ADAMTSL1: variants seen among roughly 807,000 people sequenced by gnomAD.
The protein encoded by ADAMTSL1 is ADAMTS-like protein 1.
A neutral mutation model predicts 201.8 loss-of-function variants in ADAMTSL1; 126 were observed. That is an observed-to-expected ratio of 0.62 (90% CI 0.54 to 0.72). The LOEUF (loss-of-function observed/expected upper bound fraction) is 0.72. Ranked by LOEUF, ADAMTSL1 falls within the 30% of genes least tolerant of loss-of-function variation. The pLI, the probability that ADAMTSL1 is intolerant of heterozygous loss-of-function variation, is 0.00. For synonymous variants in ADAMTSL1, 1,121 were observed against 903.4 expected, an observed-to-expected ratio of 1.24 and a Z score of -4.32; for missense variants, 2,679 against 2,277.8, an observed-to-expected ratio of 1.18 and a Z score of -3.59.
chr9:18,630,140 C>T (rs565244573), intron 5 of ADAMTSL1, among the ~76,000 whole-genome samples: 83 of 152,156 alleles, frequency 5.5e-4, no homozygotes, highest in Non-Finnish European at 1.1e-3. Flanking sequence ...TCAGTTTGAA[C>T]CTTTGGGGTC....
chr9:18,206,632 T>C (rs1238238135), intron 2 of ADAMTSL1, among the ~76,000 whole-genome samples: 3 of 152,180 alleles, frequency 2.0e-5, no homozygotes, highest in African/African-American at 2.4e-5. Flanking sequence ...CACATCATTT[T>C]AAGCTCTCTG....
intron 1 of ADAMTSL1, among the ~76,000 whole-genome samples, chr9:18,113,243 G>A (rs1170194283): frequency 6.6e-6 from 1 of 152,160 alleles, no homozygotes; most frequent in African/African-American, 2.4e-5. Context: ...CAGGCATTTA[G>A]GCTCTTACTG....
At chr9:18,355,566 T>C (rs548556024) in intron 2 of ADAMTSL1, among the ~76,000 whole-genome samples, 1 of 152,202 alleles carries the variant, frequency 6.6e-6, no homozygotes, top group Admixed American at 6.5e-5. Context: ...TAAAAATACA[T>C]ATAGTATCTA....
intron 23 of ADAMTSL1, among the ~76,000 whole-genome samples, chr9:18,881,090 GA>G (rs569398081): frequency 7.9e-4 from 120 of 152,316 alleles, no homozygotes; most frequent in African/African-American, 2.8e-3. Context: ...TTAGGCACTA[GA>G]TTAAGGGAAT....
At chr9:18,184,934 C>G (rs1343229900) in intron 2 of ADAMTSL1, among the ~76,000 whole-genome samples, 3 of 152,130 alleles carry the variant, frequency 2.0e-5, no homozygotes, top group Non-Finnish European at 4.4e-5. Context: ...GTCTATTGTT[C>G]TAACTTTGCA....
chr9:18,378,335 A>G (rs1369082514), intron 2 of ADAMTSL1, among the ~76,000 whole-genome samples: 2 of 152,242 alleles, frequency 1.3e-5, no homozygotes, highest in Non-Finnish European at 2.9e-5. Context: ...TTATTTTTCT[A>G]AAGTGTAATG....
intron 2 of ADAMTSL1, among the ~76,000 whole-genome samples, chr9:18,344,411 C>A (rs534812790): frequency 2.0e-5 from 3 of 152,148 alleles, no homozygotes; most frequent in African/African-American, 4.8e-5. Flanking sequence ...TCTGCCTCTG[C>A]GTTCCAAAGC....
chr9:18,361,375 C>G lies in ADAMTSL1; in HGVS notation c.208-143454C>G, dbSNP rs150488785. On this transcript the variant is annotated intron_variant, in intron 2 of 29. Transcript: ENST00000680146. ...TTTAGTGTATTTCACTTGGTATATTCTCGATTTTCAACAACAGTTTTGTCA... is the reference window on the plus strand; with the variant it reads ...TTTAGTGTATTTCACTTGGTATATTGTCGATTTTCAACAACAGTTTTGTCA... Among the ~76,000 whole-genome samples the G allele has an allele frequency of 1.1e-3, 174 of 152,232 alleles. 1 individual carries two copies. Among genetic ancestry groups the G allele is most frequent in the African/African-American group, 4.0e-3 (166 of 41,562 alleles).
chr9:18,776,519 C>G (rs561633492), intron 18 of ADAMTSL1, among the ~76,000 whole-genome samples: 14 of 152,352 alleles, frequency 9.2e-5, no homozygotes, highest in African/African-American at 3.4e-4. Flanking sequence ...CCCACTGCAT[C>G]TCATTAGTTC....
At chr9:17,953,509 A>G (rs1328590626) in intron 1 of ADAMTSL1, among the ~76,000 whole-genome samples, 1 of 152,236 alleles carries the variant, frequency 6.6e-6, no homozygotes, top group African/African-American at 2.4e-5. Context: ...AGACTTACAC[A>G]TGAGGATGTT....
intron 1 of ADAMTSL1, among the ~76,000 whole-genome samples, chr9:17,980,167 A>G (rs1248519314): frequency 6.6e-6 from 1 of 152,096 alleles, no homozygotes; most frequent in Non-Finnish European, 1.5e-5. Context: ...GTATTTTCTT[A>G]GTTCTGTGCT....
Position 18,909,514 on chromosome 9 carries a change from T to G in ADAMTSL1, c.*966T>G, listed in dbSNP as rs576442614. On this transcript the variant is annotated 3_prime_UTR_variant, in exon 29 of 29. Coordinates refer to ENST00000380548, the MANE Select transcript of ADAMTSL1 (RefSeq NM_001040272.6). ...CGAAGTCCCCTAGCCCCGCACTAAC[T>G]AACTGCTGCTGTGGGCCAGGGCCAT... 1 of 152,364 alleles carries G rather than the reference T, an allele frequency of 6.6e-6. No homozygotes were observed. The highest frequency in any genetic ancestry group is 2.1e-4 in the South Asian group (1 of 4,826). 9.4% of individuals were successfully genotyped at this position (152,364 alleles called of 1,614,324 possible).
At chr9:18,350,117 A>G (rs1423000449) in intron 2 of ADAMTSL1, among the ~76,000 whole-genome samples, 1 of 151,972 alleles carries the variant, frequency 6.6e-6, no homozygotes, top group Non-Finnish European at 1.5e-5. Flanking sequence ...CTAATGTGGC[A>G]AATGGCCCAG....
chr9:17,967,470 G>C (rs1336641122), intron 1 of ADAMTSL1, among the ~76,000 whole-genome samples: 1 of 152,012 alleles, frequency 6.6e-6, no homozygotes, highest in Admixed American at 6.6e-5. Flanking sequence ...AACATTCATT[G>C]AGCAGCTACT....
At chr9:18,728,470 A>C (rs561853) in intron 15 of ADAMTSL1, among the ~76,000 whole-genome samples, 123,447 of 151,794 alleles carry the variant, frequency 0.81, 50,540 homozygotes, top group Admixed American at 0.88. Flanking sequence ...AGAAAAAAAA[A>C]ACACACACAC....
At chr9:18,054,205 C>T (rs181273959) in intron 1 of ADAMTSL1, among the ~76,000 whole-genome samples, 1 of 152,286 alleles carries the variant, frequency 6.6e-6, no homozygotes, top group East Asian at 1.9e-4. Flanking sequence ...TAAACACAGA[C>T]ATACATTGTA....
intron 15 of ADAMTSL1, among the ~76,000 whole-genome samples, chr9:18,734,998 A>T (rs1818423297): frequency 6.6e-6 from 1 of 152,188 alleles, no homozygotes; most frequent in South Asian, 2.1e-4. Context: ...TCATTATGCC[A>T]ACTGTTAAAA....
chr9:18,382,959 G>A (rs948290494), intron 2 of ADAMTSL1, among the ~76,000 whole-genome samples: 11 of 152,172 alleles, frequency 7.2e-5, no homozygotes, highest in African/African-American at 2.7e-4. Context: ...CACTGAAACA[G>A]AACATCAAAC....
intron 2 of ADAMTSL1, among the ~76,000 whole-genome samples, chr9:18,525,766 C>T (rs571986866): frequency 6.6e-6 from 1 of 152,294 alleles, no homozygotes; most frequent in South Asian, 2.1e-4. Context: ...GAGTGAGTTT[C>T]TTAATCCTGA....
Sources: allele counts gnomAD v4.1 joint callset (sites outside exome capture counted in the v4.1 genomes callset), GRCh38; gene constraint gnomAD v4.1.1; transcripts MANE v1.5; gene names NCBI Gene and HGNC (gene_info 2026-07-23, HGNC 2026-07-21).